Variants in AP2A1 observed in about 807,000 individuals in gnomAD.
The protein encoded by AP2A1 is adaptor related protein complex 2 subunit alpha 1, also known as AP-2 complex subunit alpha-1.
AP2A1 carries 21 observed loss-of-function variants against 107.3 expected under a neutral mutation model. The observed-to-expected ratio is 0.20, with a 90% CI of 0.14 to 0.28. AP2A1 has a LOEUF of 0.28. Among genes scored for constraint, AP2A1 ranks in the 10% least tolerant of loss-of-function variants. The pLI is 1.00. For missense variants in AP2A1, 873 were observed against 1,307.7 expected, an observed-to-expected ratio of 0.67 and a Z score of 5.13; for synonymous variants, 602 against 564.8, an observed-to-expected ratio of 1.07 and a Z score of -0.93.
chr19:49,778,407 A>G (rs987835963), intron 1 of AP2A1, among the ~76,000 whole-genome samples: 1 of 152,046 alleles, frequency 6.6e-6, no homozygotes, highest in Non-Finnish European at 1.5e-5. Flanking sequence ...ACGTGGTGAA[A>G]CCTCGTCTCT....
Position 49,801,896 on chromosome 19 carries a change from C to A in AP2A1, c.1953+7C>A, listed in dbSNP as rs761214484. On this transcript the variant is annotated splice_region_variant and intron_variant, in intron 14 of 22. Coordinates refer to ENST00000354293, the MANE Select transcript of AP2A1 (RefSeq NM_130787.3). Reference sequence around the variant, plus strand: ...GCCCACCCCCAGCACTGTGGTGAGTCCCCTGGGGTGGGCCCTGCCAGGGTG... The same window carrying A: ...GCCCACCCCCAGCACTGTGGTGAGTACCCTGGGGTGGGCCCTGCCAGGGTG... 13 of 1,474,328 alleles carry A rather than the reference C, an allele frequency of 8.8e-6. No individual in the cohort carries two copies. The East Asian group carries it at 2.6e-4, about 30-fold the overall frequency. The allele number at this position is 1,474,328 out of a possible 1,614,324, so 91.3% of individuals were successfully genotyped here.
chr19:49,806,766 A>C lies in AP2A1; in HGVS notation c.*8A>C. The C allele has an allele frequency of 6.2e-7, 1 of 1,613,204 alleles. No homozygotes were observed. Among genetic ancestry groups the C allele is most frequent in the Non-Finnish European group, 8.5e-7 (1 of 1,179,754 alleles). On this transcript the variant is annotated 3_prime_UTR_variant, in exon 23 of 23. Transcript: ENST00000354293. ...CTGGCACAGCAGTTCTGAGCCCTGG[A>C]CTCTGCCCCGGGGGATGTGGCCGGC...
chr19:49,772,885 A>G (rs1056325416), intron 1 of AP2A1, among the ~76,000 whole-genome samples: 5 of 151,566 alleles, frequency 3.3e-5, no homozygotes. Flanking sequence ...GCAGAGAGGG[A>G]TGGGATCTGA....
chr19:49,795,625 G>A lies in AP2A1; in HGVS notation c.706-5G>A, dbSNP rs199924360. On this transcript the variant is annotated splice_polypyrimidine_tract_variant and splice_region_variant and intron_variant, in intron 6 of 22. Transcript: ENST00000354293. ...CCCAACTTATTTCTTGCTCTTCCCC[G>A]CCAGATCGTCTCCTCTGCCTCCACC... 9.7e-4 allele frequency: 436 copies of A among 448,356 alleles called. 2 individuals carry two copies. The highest frequency in any genetic ancestry group is 9.9e-4 in the South Asian group (32 of 32,354). 27.8% of individuals were successfully genotyped at this position (448,356 alleles called of 1,614,324 possible).
In AP2A1 at chr19:49,806,723, C is replaced by T. The variant is rs2073398914; in HGVS notation, c.2833C>T (p.Arg945Cys). 3.7e-6 allele frequency: 6 copies of T among 1,613,498 alleles called. No homozygotes were observed. The highest frequency in any genetic ancestry group is 1.1e-5 in the South Asian group (1 of 91,074). ...TLRTSKEPVSRHLCELLAQQF is the reference protein window; with the variant it reads ...TLRTSKEPVSCHLCELLAQQF ...GCGCACCAGCAAGGAGCCCGTCTCC[C>T]GTCACCTGTGTGAGCTGCTGGCACA... Residue 945 changes from arginine to cysteine, a missense_variant, in exon 23 of 23, where the codon CGT becomes TGT. Physicochemically the swap from Arg to Cys is radical, Grantham distance 180. This residue lies in a region of AP2A1 where 416 missense variants were observed against 473.4 expected (regional missense o/e 0.88). Coordinates refer to ENST00000354293, the MANE Select transcript of AP2A1 (RefSeq NM_130787.3).
chr19:49,793,102 G>A lies in AP2A1; in HGVS notation c.705+10G>A. ...GTCGCGCCTGAGCCGGGTGGGTGTG[G>A]CCTAGATATTGGCTGCTGGAGGTGG... On this transcript the variant is annotated intron_variant, in intron 6 of 22. Transcript: ENST00000354293. 2.5e-6 allele frequency: 4 copies of A among 1,592,230 alleles called. No individual in the cohort carries two copies.
intron 1 of AP2A1, among the ~76,000 whole-genome samples, chr19:49,768,248 C>T (rs925722502): frequency 5.3e-5 from 8 of 151,994 alleles, no homozygotes; most frequent in Non-Finnish European, 1.2e-4. Flanking sequence ...GGAATCCTGG[C>T]GGCAAGTCAG....
In AP2A1 at chr19:49,781,738, C is replaced by T; in HGVS notation, c.68-19C>T. ...ACTCCCCAGACCCCTCACTGCCTAC[C>T]CTCCTCCTCCTCTCCCAGGTAAGAG... On this transcript the variant is annotated intron_variant, in intron 1 of 22. Coordinates refer to ENST00000354293, the MANE Select transcript of AP2A1 (RefSeq NM_130787.3). The T allele has an allele frequency of 6.5e-7, 1 of 1,529,450 alleles. No homozygotes were observed. The highest frequency in any genetic ancestry group is 8.9e-7 in the Non-Finnish European group (1 of 1,120,430). 94.7% of individuals were successfully genotyped at this position (1,529,450 alleles called of 1,614,324 possible).
chr19:49,805,936 G>A lies in AP2A1; in HGVS notation c.2650G>A (p.Ala884Thr), dbSNP rs992800068. 8 of 1,613,712 alleles carry A rather than the reference G, an allele frequency of 5.0e-6. No individual in the cohort carries two copies. In the African/African-American group the frequency reaches 5.3e-5, roughly 11 times the overall value. The stretch of plus-strand genomic sequence containing the variant: ...CCCCATGGACGCAGAAGTTACTAAG[G>A]CCAAGGTGAGAGACCGCGGGCGTGT... ...NHPMDAEVTK[A>T]KLLGFGSALL... is the part of the protein sequence containing the mutation. Residue 884 changes from alanine (A) to threonine (T), a missense_variant, in exon 21 of 23, where the codon GCC (alanine) becomes ACC (threonine). Around this residue, in one of 4 missense-constraint regions of AP2A1, gnomAD observed 416 missense variants for 473.4 expected, o/e 0.88. Transcript: ENST00000354293.
chr19:49,773,573 C>A (rs2084586944), intron 1 of AP2A1, among the ~76,000 whole-genome samples: 1 of 152,186 alleles, frequency 6.6e-6, no homozygotes, highest in Admixed American at 6.5e-5. Flanking sequence ...GATGGGGCTA[C>A]AGCAGTGAGC....
At position 49,777,612 on chromosome 19, in the gene AP2A1, G is replaced by A. The variant is rs534992375; in HGVS notation, c.68-4145G>A. On this transcript the variant is annotated intron_variant, in intron 1 of 22. Transcript: ENST00000354293. ...ATGGTGCCACTGCACTCCATCCTGG[G>A]CGACAAAGCGAGACTCCATCACAAA... Among the ~76,000 whole-genome samples, 14 of 145,494 alleles carry A rather than the reference G, an allele frequency of 9.6e-5. No individual in the cohort carries two copies. The East Asian group carries it at 2.9e-3, about 30-fold the overall frequency.
chr19:49,770,576 G>A (rs1411913590), intron 1 of AP2A1, among the ~76,000 whole-genome samples: 1 of 152,130 alleles, frequency 6.6e-6, no homozygotes, highest in Non-Finnish European at 1.5e-5. Context: ...AAACAGAAAC[G>A]GGCCAAATGC....
intron 1 of AP2A1, among the ~76,000 whole-genome samples, chr19:49,770,895 A>G (rs1222838630): frequency 6.6e-6 from 1 of 152,148 alleles, no homozygotes; most frequent in Non-Finnish European, 1.5e-5. Flanking sequence ...TCTGTCGCCC[A>G]GGCTGGAGTG....
intron 1 of AP2A1, among the ~76,000 whole-genome samples, chr19:49,771,886 C>G (rs2084561960): frequency 6.6e-6 from 1 of 152,054 alleles, no homozygotes; most frequent in African/African-American, 2.4e-5. Context: ...GTTACCTAGG[C>G]TGAGGGCAGT....
At chr19:49,774,832 T>C (rs2084601028) in intron 1 of AP2A1, among the ~76,000 whole-genome samples, 1 of 151,196 alleles carries the variant, frequency 6.6e-6, no homozygotes, top group Non-Finnish European at 1.5e-5. Context: ...GGCAGGAGAA[T>C]CGCTTGAACC....
Position 49,799,659 on chromosome 19 carries a change from G to T in AP2A1, c.1165G>T (p.Ala389Ser). Residue 389 changes from alanine to serine, a missense_variant, in exon 10 of 23, where the codon GCG becomes TCG. Coordinates refer to ENST00000354293, the MANE Select transcript of AP2A1 (RefSeq NM_130787.3). ...TERDVSVRQR[A>S]ADLLYAMCDR... ...GCGGGACGTCAGCGTGCGGCAGCGG[G>T]CGGCTGACCTCCTCTACGCCATGTG... 6.2e-7 allele frequency: 1 copy of T among 1,611,918 alleles called. No homozygotes were observed.
At position 49,798,846 on chromosome 19, in the gene AP2A1, G is replaced by C. The variant is rs747466046; in HGVS notation, c.859G>C (p.Val287Leu). 1 of 1,603,168 alleles carries C rather than the reference G, an allele frequency of 6.2e-7. No individual in the cohort carries two copies. Among genetic ancestry groups the C allele is most frequent in the Non-Finnish European group, 8.5e-7 (1 of 1,175,058 alleles). ...KGRLVECLET[V>L]LNKAQEPPKS... The stretch of plus-strand genomic sequence containing the variant: ...GCGGCTGGTGGAATGTCTGGAGACT[G>C]TGCTCAACAAGGCCCAGGAGCCCCC... The change falls in exon 8 of 23, where the codon GTG (valine) becomes CTG (leucine). Residue 287 changes from valine to leucine, a missense_variant. By Grantham distance (32) the Val-to-Leu change is conservative. Coordinates refer to ENST00000354293, the MANE Select transcript of AP2A1 (RefSeq NM_130787.3).
Position 49,800,841 on chromosome 19 carries a change from C to G in AP2A1, c.1456-120C>G, listed in dbSNP as rs2073269505. 6 of 792,656 alleles carry G rather than the reference C, an allele frequency of 7.6e-6. No individual in the cohort carries two copies. In the South Asian group the frequency reaches 1.1e-4, roughly 14 times the overall value. 49.1% of individuals were successfully genotyped at this position (792,656 alleles called of 1,614,324 possible). Reference sequence around the variant, plus strand: ...ACCTTTCTGTGACTCAGTTTCCCACCTATAACCCCACCTGCAGCAGAGCTT... The same window carrying G: ...ACCTTTCTGTGACTCAGTTTCCCACGTATAACCCCACCTGCAGCAGAGCTT... On this transcript the variant is annotated intron_variant, in intron 11 of 22. Coordinates refer to ENST00000354293, the MANE Select transcript of AP2A1 (RefSeq NM_130787.3).
chr19:49,783,718 G>A (rs533476365), intron 4 of AP2A1, among the ~76,000 whole-genome samples: 14 of 152,336 alleles, frequency 9.2e-5, no homozygotes, highest in African/African-American at 2.6e-4. Context: ...GGGTGAACCC[G>A]AGTATCGGTT....
Sources: gnomAD v4.1 joint callset for allele counts (sites outside exome capture counted in the v4.1 genomes callset) on GRCh38, gnomAD v4.1.1 for gene constraint, gnomAD v4.1.1 regional missense constraint, MANE v1.5 for transcripts, NCBI Gene and HGNC (gene_info 2026-07-23, HGNC 2026-07-21) for gene names.